Variants in NCOA1 observed in about 807,000 individuals in gnomAD.
NCOA1 encodes nuclear receptor coactivator 1, also known as Hin-2 protein.
A neutral mutation model predicts 150.9 loss-of-function variants in NCOA1; 35 were observed. That is an observed-to-expected ratio of 0.23 (90% CI 0.18 to 0.31). NCOA1 has a LOEUF of 0.31. Among genes scored for constraint, NCOA1 ranks in the 10% least tolerant of loss-of-function variants. The probability of loss-of-function intolerance (pLI) is 1.00; values close to 1 mark genes in which losing one functional copy is unlikely to be tolerated. For missense variants in NCOA1, 1,491 were observed against 1,749.3 expected (o/e 0.85, Z 2.63); for synonymous variants, 590 against 630.0 (o/e 0.94, Z 0.95).
intron 6 of NCOA1, among the ~76,000 whole-genome samples, chr2:24,670,772 G>T (rs1474339704): frequency 6.6e-6 from 1 of 152,160 alleles, no homozygotes; most frequent in East Asian, 1.9e-4. Context: ...GCACAATTCT[G>T]TGAATATACT....
At chr2:24,738,464 G>C (rs993623847) in intron 17 of NCOA1, among the ~76,000 whole-genome samples, 1 of 152,114 alleles carries the variant, frequency 6.6e-6, no homozygotes, top group Non-Finnish European at 1.5e-5. Context: ...TTTGTTACCA[G>C]ATACTGTTAA....
At chr2:24,540,313 T>A (rs1168954615) in intron 1 of NCOA1, among the ~76,000 whole-genome samples, 1 of 152,146 alleles carries the variant, frequency 6.6e-6, no homozygotes, top group African/African-American at 2.4e-5. Context: ...CAAAAACAAG[T>A]GGCTATAAAA....
At chr2:24,734,199 A>G (rs1171873262) in intron 17 of NCOA1, among the ~76,000 whole-genome samples, 1 of 151,992 alleles carries the variant, frequency 6.6e-6, no homozygotes, top group Non-Finnish European at 1.5e-5. Context: ...AAAAGAAGAA[A>G]AAAGAAATTC....
intron 8 of NCOA1, among the ~76,000 whole-genome samples, chr2:24,683,514 G>A (rs1473331267): frequency 6.6e-6 from 1 of 152,190 alleles, no homozygotes; most frequent in Non-Finnish European, 1.5e-5. Context: ...TAAAATTAAT[G>A]TTTTTAGACT....
chr2:24,620,486 C>T (rs1002674509), intron 3 of NCOA1, among the ~76,000 whole-genome samples: 6 of 152,080 alleles, frequency 3.9e-5, no homozygotes, highest in African/African-American at 1.4e-4. Context: ...TGCCTGTAAT[C>T]CCAGCTACTT....
At chr2:24,761,492 A>G (rs1664793551) in intron 21 of NCOA1, among the ~76,000 whole-genome samples, 1 of 151,966 alleles carries the variant, frequency 6.6e-6, no homozygotes, top group Non-Finnish European at 1.5e-5. Context: ...CATTTTTTTC[A>G]TATCTGTTCA....
chr2:24,522,846 G>A (rs969344514), intron 1 of NCOA1, among the ~76,000 whole-genome samples: 8 of 152,106 alleles, frequency 5.3e-5, no homozygotes, highest in African/African-American at 9.7e-5. Flanking sequence ...TTTGAAAGAG[G>A]TAATACATTT....
chr2:24,651,697 T>C (rs1363305050), intron 4 of NCOA1, among the ~76,000 whole-genome samples: 1 of 151,994 alleles, frequency 6.6e-6, no homozygotes, highest in Non-Finnish European at 1.5e-5. Flanking sequence ...CACAGTAAAA[T>C]TTAGTTTTTA....
chr2:24,574,549 C>T (rs1666872829), intron 2 of NCOA1, among the ~76,000 whole-genome samples: 1 of 151,940 alleles, frequency 6.6e-6, no homozygotes, highest in Non-Finnish European at 1.5e-5. Flanking sequence ...AAAAAACAAC[C>T]AGAAACTCAA....
rs748253813 is a variant in NCOA1, at chr2:24,758,097, G to A, written c.4006G>A (p.Ala1336Thr). The change falls in exon 21 of 23, where the codon GCC (alanine) becomes ACC (threonine). Residue 1336 changes from alanine (A) to threonine (T), a missense_variant. Transcript: ENST00000348332. ...TNVQNMNPMM[A>T]QMQMSSLQMP... ...TGTTCAGAACATGAACCCAATGATG[G>A]CCCAGATGCAGATGAGCTCTTTGCA... The A allele has an allele frequency of 6.2e-7, 1 of 1,614,064 alleles. No homozygotes were observed. Among genetic ancestry groups the A allele is most frequent in the Non-Finnish European group, 8.5e-7 (1 of 1,179,998 alleles).
chr2:24,522,228 G>A (rs1664447378), intron 1 of NCOA1, among the ~76,000 whole-genome samples: 1 of 151,972 alleles, frequency 6.6e-6, no homozygotes, highest in Non-Finnish European at 1.5e-5. Flanking sequence ...ATTCATTATT[G>A]AGTTTTCATA....
intron 3 of NCOA1, among the ~76,000 whole-genome samples, chr2:24,634,783 C>A (rs910758528): frequency 7.1e-6 from 1 of 140,962 alleles, no homozygotes; most frequent in African/African-American, 2.6e-5. Context: ...ACAATTATAG[C>A]TTGCAGCAGC....
intron 3 of NCOA1, among the ~76,000 whole-genome samples, chr2:24,604,712 A>G (rs995883859): frequency 6.6e-6 from 1 of 152,284 alleles, no homozygotes; most frequent in African/African-American, 2.4e-5. Context: ...AGACCACTCA[A>G]ACTTTACCCA....
chr2:24,548,840 G>A, intron 1 of NCOA1, among the ~76,000 whole-genome samples: 1 of 152,218 alleles, frequency 6.6e-6, no homozygotes, highest in Non-Finnish European at 1.5e-5. Flanking sequence ...CTGCCCCTGT[G>A]GCTTTGCAGG....
Position 24,523,605 on chromosome 2 carries a change from C to CA in NCOA1, c.-396+32028dup, listed in dbSNP as rs979559677. 2.7e-3 allele frequency among the ~76,000 whole-genome samples: 48 copies of CA among 17,688 alleles called. 3 individuals are homozygous for CA. The highest frequency in any genetic ancestry group is 6.0e-3 in the South Asian group (1 of 166). 11.6% of individuals were successfully genotyped at this position (17,688 alleles called of 152,430 possible). A position where few individuals can be genotyped will look rare whatever the true frequency, so the allele number is the denominator to read the frequency against. ...TGGGAGACAGAGTGAGACTCCGTCT[C>CA]AAAAAAAAAAAAAAAAAAAAAAAAA... is the stretch of plus-strand genomic sequence containing the variant. On this transcript the variant is annotated intron_variant, in intron 1 of 22. Transcript: ENST00000348332.
chr2:24,682,047 C>G (rs1672202652), intron 7 of NCOA1, among the ~76,000 whole-genome samples: 1 of 152,136 alleles, frequency 6.6e-6, no homozygotes, highest in Non-Finnish European at 1.5e-5. Flanking sequence ...AATGAGTAAC[C>G]CGTCAGCATT....
At chr2:24,532,083 T>A (rs1037940314) in intron 1 of NCOA1, among the ~76,000 whole-genome samples, 6 of 152,122 alleles carry the variant, frequency 3.9e-5, no homozygotes, top group East Asian at 1.9e-4. Context: ...ACAGTGTAAA[T>A]GTGTTCCTAT....
intron 1 of NCOA1, among the ~76,000 whole-genome samples, chr2:24,528,788 A>G (rs1664758536): frequency 6.6e-6 from 1 of 152,246 alleles, no homozygotes; most frequent in African/African-American, 2.4e-5. Context: ...GTTTATTTTT[A>G]ACCCAGTGTT....
chr2:24,650,365 T>C (rs569677311), intron 4 of NCOA1, among the ~76,000 whole-genome samples: 1 of 152,264 alleles, frequency 6.6e-6, no homozygotes, highest in Admixed American at 6.5e-5. Flanking sequence ...ATCAGTAGTA[T>C]CTGTCCCTAA....
Sources: allele counts gnomAD v4.1 joint callset (sites outside exome capture counted in the v4.1 genomes callset), GRCh38; gene constraint gnomAD v4.1.1; transcripts MANE v1.5; gene names NCBI Gene and HGNC (gene_info 2026-07-23, HGNC 2026-07-21).